The following NSUN3 variants were observed in gnomAD, a reference collection of about 807,000 sequenced individuals.
NSUN3 encodes NOP2/Sun RNA methyltransferase 3.
NSUN3 carries 24 observed loss-of-function variants against 36.8 expected under a neutral mutation model. That is an observed-to-expected ratio of 0.65 (90% CI 0.47 to 0.92). The LOEUF is 0.92. NSUN3 is among the 40% of genes least tolerant of loss of function. NSUN3 has a pLI of 0.00. For synonymous variants in NSUN3, 146 were observed against 145.2 expected (o/e 1.01, Z -0.04); for missense variants, 381 against 392.8 (o/e 0.97, Z 0.25).
chr3:94,075,702 A>C (rs542692451), intron 2 of NSUN3, among the ~76,000 whole-genome samples: 2 of 152,240 alleles, frequency 1.3e-5, no homozygotes, highest in South Asian at 4.2e-4. Context: ...GAAAATTTCA[A>C]CGTAAGTCTG....
In NSUN3 at chr3:94,130,814, G is replaced by A. The variant is rs1482349466; in HGVS notation, c.*4324G>A. 6.6e-6 allele frequency among the ~76,000 whole-genome samples: 1 copy of A among 152,138 alleles called. No homozygotes were observed. The highest frequency in any genetic ancestry group is 1.5e-5 in the Non-Finnish European group (1 of 68,016). Reference sequence around the variant, plus strand: ...GAAACCTCTTCCTAGCCACACAGTGGGAGCCTTGTTTGACCTTTTTTAACC... The same window carrying A: ...GAAACCTCTTCCTAGCCACACAGTGAGAGCCTTGTTTGACCTTTTTTAACC... On this transcript the variant is annotated 3_prime_UTR_variant, in exon 6 of 6. Coordinates refer to ENST00000314622, the MANE Select transcript of NSUN3 (RefSeq NM_022072.5).
At chr3:94,119,744 A>G (rs2077453978) in intron 5 of NSUN3, among the ~76,000 whole-genome samples, 2 of 152,386 alleles carry the variant, frequency 1.3e-5, no homozygotes, top group African/African-American at 4.8e-5. Flanking sequence ...GTTTTAAAAT[A>G]CATAACTACT....
rs1236362369 is a variant in NSUN3, at chr3:94,128,581, G to GTATA, written c.*2092_*2093insATAT. On this transcript the variant is annotated 3_prime_UTR_variant, in exon 6 of 6. Transcript: ENST00000314622. ...TGTGTGTGTGTGTGTGTGTGTGTGT[G>GTATA]TGTATATATATATATATATATAATT... 9.6e-5 allele frequency: 14 copies of GTATA among 145,570 alleles called. No individual in the cohort carries two copies. The highest frequency in any genetic ancestry group is 1.5e-4 in the Non-Finnish European group (10 of 66,578). The allele number at this position is 145,570 out of a possible 1,614,324, so 9.0% of individuals were successfully genotyped here. A position where few individuals can be genotyped will look rare whatever the true frequency, so the allele number is the denominator to read the frequency against.
chr3:94,070,463 A>G (rs911340399), intron 2 of NSUN3, among the ~76,000 whole-genome samples: 5 of 152,090 alleles, frequency 3.3e-5, no homozygotes, highest in African/African-American at 1.2e-4. Context: ...CTTGTCTCTA[A>G]AAAAAAGAAG....
At chr3:94,081,736 G>T (rs1165037536) in intron 2 of NSUN3, 1 of 152,138 alleles carries the variant, frequency 6.6e-6, no homozygotes, top group Non-Finnish European at 1.5e-5. Context: ...ACCTTTCTAA[G>T]AGATAGGAAA....
intron 5 of NSUN3, among the ~76,000 whole-genome samples, chr3:94,124,154 T>C (rs1178929920): frequency 3.7e-5 from 5 of 135,674 alleles, no homozygotes; most frequent in African/African-American, 5.7e-5. Flanking sequence ...ATTTCTTTTT[T>C]TTTTTTTTTT....
chr3:94,101,520 T>C (rs1238174379), intron 5 of NSUN3, among the ~76,000 whole-genome samples: 2 of 152,104 alleles, frequency 1.3e-5, no homozygotes, highest in Non-Finnish European at 2.9e-5. Flanking sequence ...GATTTATCCA[T>C]ATAGAGGTAG....
intron 5 of NSUN3, among the ~76,000 whole-genome samples, chr3:94,123,696 C>G (rs1398737684): frequency 6.6e-6 from 1 of 152,154 alleles, no homozygotes; most frequent in African/African-American, 2.4e-5. Flanking sequence ...TCCAGCCACA[C>G]TGACCTCCGC....
intron 3 of NSUN3, among the ~76,000 whole-genome samples, chr3:94,088,022 T>G (rs1198585086): frequency 2.0e-5 from 3 of 152,172 alleles, no homozygotes; most frequent in Non-Finnish European, 4.4e-5. Flanking sequence ...ACTCCTTTCT[T>G]GGTTTAATTG....
chr3:94,064,589 CA>C, intron 2 of NSUN3, 43 bp downstream of exon 2: 2 of 1,184,804 alleles, frequency 1.7e-6, no homozygotes, highest in Non-Finnish European at 2.5e-6. Context: ...GAACAAAGTA[CA>C]ATATGTAGTC....
chr3:94,096,048 C>T (rs2077337876), intron 5 of NSUN3, among the ~76,000 whole-genome samples: 1 of 151,754 alleles, frequency 6.6e-6, no homozygotes, highest in Non-Finnish European at 1.5e-5. Flanking sequence ...CGTGAGCCAC[C>T]ACGCCTGGCC....
At chr3:94,092,021 G>A (rs1365359574) in intron 3 of NSUN3, among the ~76,000 whole-genome samples, 1 of 152,182 alleles carries the variant, frequency 6.6e-6, no homozygotes, top group African/African-American at 2.4e-5. Context: ...CTCCCAATGA[G>A]TGCCAGGTGA....
rs72929715 is a variant in NSUN3, at chr3:94,068,158, G to C, written c.122+3612G>C. On this transcript the variant is annotated intron_variant, in intron 2 of 5. Coordinates refer to ENST00000314622, the MANE Select transcript of NSUN3 (RefSeq NM_022072.5). ...TCGTCTGTAAAATGGGGAAAAAATA[G>C]TATCTATTTCATATAATCATTTGGG... Among the ~76,000 whole-genome samples the C allele has an allele frequency of 5.5e-3, 839 of 152,156 alleles. 13 individuals carry two copies. Among genetic ancestry groups the C allele is most frequent in the African/African-American group, 0.019 (800 of 41,502 alleles).
At chr3:94,067,203 T>A (rs1411725437) in intron 2 of NSUN3, among the ~76,000 whole-genome samples, 1 of 152,190 alleles carries the variant, frequency 6.6e-6, no homozygotes, top group African/African-American at 2.4e-5. Context: ...TTGGCAATAC[T>A]CTTGTGCATA....
At chr3:94,126,087 C>A in intron 5 of NSUN3, 124 bp from the exon 6 acceptor site, 1 of 741,960 alleles carries the variant, frequency 1.3e-6, no homozygotes, top group Non-Finnish European at 2.1e-6. Flanking sequence ...TAGAAAACAT[C>A]CAAAGTAATT....
intron 3 of NSUN3, 26 bp downstream of exon 3, chr3:94,084,476 G>C (rs761464843): frequency 4.3e-5 from 66 of 1,536,864 alleles, no homozygotes; most frequent in Non-Finnish European, 5.9e-5. Context: ...TTCAGTATTT[G>C]ACAACTTTTT....
chr3:94,109,006 C>T (rs762474422), intron 5 of NSUN3, among the ~76,000 whole-genome samples: 5 of 152,264 alleles, frequency 3.3e-5, no homozygotes, highest in Admixed American at 2.0e-4. Flanking sequence ...ATATAGTTTC[C>T]GGTTGTGCTG....
rs563576326 is a variant in NSUN3, at chr3:94,124,619, A to G, written c.744-1592A>G. 2.6e-4 allele frequency among the ~76,000 whole-genome samples: 40 copies of G among 152,184 alleles called. 1 individual carries two copies. The South Asian group carries it at 5.2e-3, about 20-fold the overall frequency. The stretch of plus-strand genomic sequence containing the variant: ...TGAAGGATCCCAGTCATATTCCATT[A>G]GGGCCCACTTTAATGAACTACTTTT... On this transcript the variant is annotated intron_variant, in intron 5 of 5. Coordinates refer to ENST00000314622, the MANE Select transcript of NSUN3 (RefSeq NM_022072.5).
intron 3 of NSUN3, among the ~76,000 whole-genome samples, chr3:94,092,863 T>G (rs2077321230): frequency 7.7e-6 from 1 of 129,908 alleles, no homozygotes; most frequent in East Asian, 2.2e-4. Flanking sequence ...GAGGTTGCAG[T>G]GAGCCGAGAT....
Sources: allele counts gnomAD v4.1 joint callset (sites outside exome capture counted in the v4.1 genomes callset), GRCh38; gene constraint gnomAD v4.1.1; transcripts MANE v1.5; gene names NCBI Gene and HGNC (gene_info 2026-07-23, HGNC 2026-07-21).